The following LDLRAP1 variants were observed in gnomAD, a reference collection of about 807,000 sequenced individuals.
LDLRAP1 encodes low density lipoprotein receptor adapter protein 1.
LDLRAP1 carries 30 observed loss-of-function variants against 37.8 expected under a neutral mutation model. The observed-to-expected ratio is 0.79, with a 90% CI of 0.59 to 1.08. The LOEUF (loss-of-function observed/expected upper bound fraction) is 1.08. Among genes scored for constraint, LDLRAP1 ranks in the 50% least tolerant of loss-of-function variants. The pLI, the probability that LDLRAP1 is intolerant of heterozygous loss-of-function variation, is 0.00. For synonymous variants in LDLRAP1, 156 were observed against 169.8 expected (o/e 0.92, Z 0.63); for missense variants, 375 against 401.6 (o/e 0.93, Z 0.57).
At chr1:25,586,504 A>G in the LDLRAP1 span, among the ~76,000 whole-genome samples, 1 of 151,560 alleles carries the variant, frequency 6.6e-6, no homozygotes, top group Non-Finnish European at 1.5e-5. The surrounding 1 kb of genome is among the most constrained non-coding windows in gnomAD (Gnocchi z 4.3). Flanking sequence ...GTGTGTGTGC[A>G]TGCACATGTG....
chr1:25,553,770 CAAA>C (rs34367689), intron 1 of LDLRAP1, 149 bp from the exon 2 acceptor site: 7,414 of 584,602 alleles, frequency 0.013, no homozygotes, highest in Middle Eastern at 0.016. Context: ...AACTCAGTCT[CAAA>C]AAAAAAAAAA....
intron 4 of LDLRAP1, among the ~76,000 whole-genome samples, chr1:25,558,326 G>A (rs1041492504): frequency 2.0e-5 from 3 of 152,162 alleles, no homozygotes; most frequent in Non-Finnish European, 4.4e-5. Context: ...CAAAGGACAT[G>A]TCAGGTACAT....
At chr1:25,589,672 C>T in the LDLRAP1 span, among the ~76,000 whole-genome samples, 2 of 152,246 alleles carry the variant, frequency 1.3e-5, no homozygotes, top group African/African-American at 4.8e-5. Flanking sequence ...CGCCCTCCAG[C>T]ACTGAAGCTC....
chr1:25,576,546 TAAAAC>T, the LDLRAP1 span, among the ~76,000 whole-genome samples: 2 of 151,676 alleles, frequency 1.3e-5, no homozygotes, highest in African/African-American at 2.4e-5. Context: ...AAAAACAAAA[TAAAAC>T]AAAATAAAAA....
chr1:25,582,456 G>A, the LDLRAP1 span, among the ~76,000 whole-genome samples: 3 of 150,524 alleles, frequency 2.0e-5, no homozygotes, highest in East Asian at 1.9e-4. Flanking sequence ...ATGGTGGCAT[G>A]CACCTGTAGT....
At chr1:25,582,116 A>G in the LDLRAP1 span, among the ~76,000 whole-genome samples, 6 of 152,278 alleles carry the variant, frequency 3.9e-5, no homozygotes, top group African/African-American at 1.4e-4. Flanking sequence ...GGGCAGTGCC[A>G]TGGCTTCCCC....
At chr1:25,551,809 T>C (rs893258952) in intron 1 of LDLRAP1, among the ~76,000 whole-genome samples, 5 of 151,896 alleles carry the variant, frequency 3.3e-5, no homozygotes, top group African/African-American at 1.2e-4. Flanking sequence ...GGAGGGTCAC[T>C]GGGCCTGGGG....
chr1:25,553,857 G>A (rs1189259680), intron 1 of LDLRAP1, 65 bp from the exon 2 acceptor site: 2 of 1,594,310 alleles, frequency 1.3e-6, no homozygotes, highest in African/African-American at 1.3e-5. Context: ...GAAGGCTGGT[G>A]AGAGCTGTTG....
chr1:25,575,582 G>A, the LDLRAP1 span, among the ~76,000 whole-genome samples: 18 of 152,210 alleles, frequency 1.2e-4, no homozygotes, highest in Non-Finnish European at 2.2e-4. Context: ...GCCACAGAAT[G>A]AGACCCTGTC....
At chr1:25,543,869 A>G (rs1242565916) in intron 1 of LDLRAP1, 83 bp downstream of exon 1, 2 of 881,104 alleles carry the variant, frequency 2.3e-6, no homozygotes, top group Non-Finnish European at 2.9e-6. Context: ...AGTGCGGCCA[A>G]GTTGGGCAGA....
rs538161464 is a variant in LDLRAP1 at position 25,567,018 on chromosome 1, C to A, written c.*26C>A. On this transcript the variant is annotated 3_prime_UTR_variant, in exon 9 of 9. Transcript: ENST00000374338. ...GGGCCCGGGGCCAGCCGGACACAAGCGGCCCTGACACGTGATGGACCAAAG... is the reference window on the plus strand; with the variant it reads ...GGGCCCGGGGCCAGCCGGACACAAGAGGCCCTGACACGTGATGGACCAAAG... 2 of 1,612,784 alleles carry A rather than the reference C, an allele frequency of 1.2e-6. No homozygotes were observed. The highest frequency in any genetic ancestry group is 1.7e-6 in the Non-Finnish European group (2 of 1,179,784).
chr1:25,580,962 G>T, the LDLRAP1 span, among the ~76,000 whole-genome samples: 2 of 152,188 alleles, frequency 1.3e-5, no homozygotes, highest in African/African-American at 4.8e-5. Context: ...TCAGAACCAG[G>T]CTCTGGAGGA....
intron 4 of LDLRAP1, among the ~76,000 whole-genome samples, chr1:25,557,603 CT>C (rs1487089808): frequency 6.6e-6 from 1 of 152,148 alleles, no homozygotes; most frequent in Admixed American, 6.5e-5. Context: ...GCAGGGCCTT[CT>C]GGTGATTGGT....
At chr1:25,561,648 G>A (rs539154226) in intron 4 of LDLRAP1, among the ~76,000 whole-genome samples, 1 of 152,296 alleles carries the variant, frequency 6.6e-6, no homozygotes, top group East Asian at 1.9e-4. Context: ...CAGAAGCTGA[G>A]CTGATTAACC....
chr1:25,586,170 C>T, the LDLRAP1 span, among the ~76,000 whole-genome samples: 4 of 152,152 alleles, frequency 2.6e-5, no homozygotes, highest in African/African-American at 9.7e-5. The surrounding 1 kb of genome is among the most constrained non-coding windows in gnomAD (Gnocchi z 4.3). Context: ...TTTGTAGAGG[C>T]CCAGACTTCT....
Position 25,565,217 on chromosome 1 carries a change from G to C in LDLRAP1, c.782+10G>C. ...ATGAAGCGTTTTCGAGGTAATGCTA[G>C]CTTCCTGTGCTGGGTAGGGGGCCTG... On this transcript the variant is annotated intron_variant, in intron 8 of 8. Transcript: ENST00000374338. 1.2e-6 allele frequency: 2 copies of C among 1,614,004 alleles called. No homozygotes were observed. Among genetic ancestry groups the C allele is most frequent in the Non-Finnish European group, 1.7e-6 (2 of 1,179,932 alleles).
At chr1:25,570,255 C>T (rs561728647), downstream of LDLRAP1, among the ~76,000 whole-genome samples, 1 of 152,302 alleles carries the variant, frequency 6.6e-6, no homozygotes, top group Admixed American at 6.5e-5. Flanking sequence ...TTAAATTTGG[C>T]CAATGTCTTT....
chr1:25,543,774 G>A lies in LDLRAP1; in HGVS notation c.76G>A (p.Gly26Ser), dbSNP rs2043859563. The change falls in exon 1 of 9, where the codon GGC becomes AGC. Residue 26 changes from glycine (G) to serine (S), a missense_variant. Gly to Ser is a moderately conservative substitution (Grantham distance 56). Transcript: ENST00000374338. Reference sequence around the variant, plus strand: ...GGCCAAGCAGAGCTGGGGGGGCGGTGGCCGGCACCGCAGTGAGTGTGCGCG... The same window carrying A: ...GGCCAAGCAGAGCTGGGGGGGCGGTAGCCGGCACCGCAGTGAGTGTGCGCG... ...SLAKQSWGGG[G>S]RHRKLPENWT... The A allele has an allele frequency of 1.7e-6, 2 of 1,208,494 alleles. No homozygotes were observed. The highest frequency in any genetic ancestry group is 2.1e-6 in the Non-Finnish European group (2 of 972,708). The allele number at this position is 1,208,494 out of a possible 1,614,324, so 74.9% of individuals were successfully genotyped here.
chr1:25,588,369 G>A, the LDLRAP1 span, among the ~76,000 whole-genome samples: 10 of 152,208 alleles, frequency 6.6e-5, no homozygotes, highest in African/African-American at 2.4e-4. Context: ...CCTGGGCAAT[G>A]GAATGTCTCA....
Sources: gnomAD v4.1 joint callset for allele counts (sites outside exome capture counted in the v4.1 genomes callset) on GRCh38, gnomAD v4.1.1 for gene constraint, Gnocchi (gnomAD v3.1) non-coding constraint, MANE v1.5 for transcripts, NCBI Gene and HGNC (gene_info 2026-07-23, HGNC 2026-07-21) for gene names.